PCM1: variants seen among roughly 807,000 people sequenced by gnomAD.
PCM1 encodes the protein pericentriolar material 1 protein.
In PCM1, 157 loss-of-function variants were observed where a neutral mutation model predicts 241.9. That is an observed-to-expected ratio of 0.65 (90% CI 0.57 to 0.74). PCM1 has a LOEUF of 0.74. PCM1 is among the 30% of genes least tolerant of loss of function. The pLI, the probability that PCM1 is intolerant of heterozygous loss-of-function variation, is 0.00. For missense variants in PCM1, 3,478 were observed against 2,360.1 expected, an observed-to-expected ratio of 1.47 and a Z score of -9.81; for synonymous variants, 1,085 against 784.9, an observed-to-expected ratio of 1.38 and a Z score of -6.39.
Position 17,991,656 on chromosome 8 carries a change from A to C in PCM1, c.4646A>C (p.Asp1549Ala), listed in dbSNP as rs773288337. The change falls in exon 28 of 39, where the codon GAT (aspartate) becomes GCT (alanine). Residue 1549 changes from aspartate to alanine, a missense_variant. Asp to Ala is a moderately radical substitution (Grantham distance 126, BLOSUM62 -2). Transcript: ENST00000325083. ...AGATGCACCTGCAGGATTATTGAGGATGGAGATGGTGCTGGTGCAGGTACT... is the reference window on the plus strand; with the variant it reads ...AGATGCACCTGCAGGATTATTGAGGCTGGAGATGGTGCTGGTGCAGGTACT... ...NMRCTCRIIE[D>A]GDGAGAGTTV... 29 of 1,564,290 alleles carry C rather than the reference A, an allele frequency of 1.9e-5. No individual in the cohort carries two copies. The highest frequency in any genetic ancestry group is 5.8e-5 in the Admixed American group (3 of 52,100).
chr8:17,967,393 C>A (rs1187055853), intron 21 of PCM1, among the ~76,000 whole-genome samples: 1 of 151,864 alleles, frequency 6.6e-6, no homozygotes, highest in East Asian at 1.9e-4. Flanking sequence ...ACGGCAGCCT[C>A]CACCTCCCAG....
intron 36 of PCM1, among the ~76,000 whole-genome samples, chr8:18,019,984 G>A (rs1408269250): frequency 6.6e-6 from 1 of 152,198 alleles, no homozygotes; most frequent in Non-Finnish European, 1.5e-5. Flanking sequence ...GGATACTGCA[G>A]ATCTTGAGTC....
chr8:18,025,898 C>T (rs958884462), intron 38 of PCM1, among the ~76,000 whole-genome samples: 19 of 152,108 alleles, frequency 1.2e-4, no homozygotes, highest in Admixed American at 1.2e-3. Flanking sequence ...GGCGCGGTGG[C>T]TCACGCCTGT....
intron 35 of PCM1, 29 bp downstream of exon 35, chr8:18,014,065 T>A: frequency 8.0e-7 from 1 of 1,253,468 alleles, no homozygotes; most frequent in Non-Finnish European, 1.1e-6. Context: ...TCTTTGATTT[T>A]AAGATAATTT....
At chr8:17,948,294 C>CTTTTTTTTT (rs550672840) in intron 7 of PCM1, among the ~76,000 whole-genome samples, 1 of 63,950 alleles carries the variant, frequency 1.6e-5, no homozygotes, top group African/African-American at 6.3e-5. Context: ...CAAATAACCT[C>CTTTTTTTTT]TTTTTTTTTT....
intron 1 of PCM1, among the ~76,000 whole-genome samples, chr8:17,924,352 A>G (rs549065679): frequency 5.7e-4 from 87 of 152,322 alleles, no homozygotes; most frequent in Non-Finnish European, 1.1e-3. Context: ...AAATCATCGG[A>G]TATACGAGGT....
chr8:17,961,637 G>A (rs2072202736), intron 15 of PCM1, among the ~76,000 whole-genome samples: 1 of 152,086 alleles, frequency 6.6e-6, no homozygotes, highest in Non-Finnish European at 1.5e-5. Context: ...CTTCAGTTAG[G>A]TTGTGTTTTC....
At chr8:17,991,219 C>A (rs934624917) in intron 27 of PCM1, among the ~76,000 whole-genome samples, 1 of 151,994 alleles carries the variant, frequency 6.6e-6, no homozygotes, top group Non-Finnish European at 1.5e-5. Flanking sequence ...TTAAATGAAA[C>A]AACAAAATGA....
chr8:17,935,892 C>A (rs150923460), intron 3 of PCM1, among the ~76,000 whole-genome samples, 186 bp downstream of exon 3: 2 of 152,242 alleles, frequency 1.3e-5, no homozygotes, highest in African/African-American at 4.8e-5. Context: ...AGCCCCAAAG[C>A]AGATTTACTG....
chr8:18,014,111 A>AG (rs149815514), intron 35 of PCM1, 75 bp downstream of exon 35: 48,649 of 765,224 alleles, frequency 0.064, 977 homozygotes, highest in East Asian at 0.2. Flanking sequence ...AAAAAAAAAA[A>AG]CACACACAGA....
At chr8:17,990,484 G>T (rs1424719269) in intron 27 of PCM1, among the ~76,000 whole-genome samples, 2 of 149,652 alleles carry the variant, frequency 1.3e-5, no homozygotes, top group African/African-American at 4.9e-5. Flanking sequence ...TGTTTGTTTG[G>T]GTTTTTTTTT....
At chr8:18,026,410 A>C (rs1488700955) in intron 38 of PCM1, among the ~76,000 whole-genome samples, 1 of 150,346 alleles carries the variant, frequency 6.7e-6, no homozygotes, top group Non-Finnish European at 1.5e-5. Context: ...GGCGCCCGCC[A>C]CCACGCCTGG....
chr8:17,925,354 A>G (rs2056513952), intron 2 of PCM1: 1 of 152,242 alleles, frequency 6.6e-6, no homozygotes, highest in Non-Finnish European at 1.5e-5. Flanking sequence ...TCAGTGTTGT[A>G]GAATGTAAGT....
chr8:18,021,635 CGGTGGCACTACCATT>C (rs2093762762), intron 36 of PCM1, among the ~76,000 whole-genome samples: 1 of 152,184 alleles, frequency 6.6e-6, no homozygotes, highest in Admixed American at 6.5e-5. Context: ...TTTTCAAACT[CGGTGGCACTACCATT>C]GGCCTTGTCA....
intron 2 of PCM1, among the ~76,000 whole-genome samples, chr8:17,934,349 C>T (rs1395186130): frequency 6.6e-6 from 1 of 151,580 alleles, no homozygotes; most frequent in Non-Finnish European, 1.5e-5. Context: ...GCAACCTTGG[C>T]TTCCTCTGTT....
In PCM1 at chr8:18,027,679, C is replaced by T. The variant is rs201120280; in HGVS notation, c.*17C>T. 1.0e-5 allele frequency: 16 copies of T among 1,570,278 alleles called. No individual in the cohort carries two copies. Among genetic ancestry groups the T allele is most frequent in the Admixed American group, 5.0e-5 (3 of 59,570 alleles). ...AGTATATGAGATGTCTTCAGAGGCT[C>T]ATCTAACTCTGTCCTTACATACTCA... is the stretch of plus-strand genomic sequence containing the variant. On this transcript the variant is annotated 3_prime_UTR_variant, in exon 39 of 39. Transcript: ENST00000325083.
At chr8:18,017,260 A>G (rs1251652229) in intron 36 of PCM1, among the ~76,000 whole-genome samples, 1 of 152,222 alleles carries the variant, frequency 6.6e-6, no homozygotes, top group Non-Finnish European at 1.5e-5. Context: ...TTTGTTAAAC[A>G]TTCTGGTCTT....
rs770218034 is a variant in PCM1, at chr8:17,955,567, A to G, written c.1386A>G (p.Thr462=). Residue 462 remains threonine (T), a synonymous_variant, in exon 10 of 39, where the codon ACA becomes ACG. Transcript: ENST00000325083. ...TCAATGGAGAATCCAATAGCCTCAC[A>G]TCATCTGTTCCTTATCCTACTGCTT... is the stretch of plus-strand genomic sequence containing the variant. ...PVVNGESNSL[T]SSVPYPTASL... is the part of the protein sequence containing the mutation. 2 of 1,613,772 alleles carry G rather than the reference A, an allele frequency of 1.2e-6. No homozygotes were observed. Among genetic ancestry groups the G allele is most frequent in the East Asian group, 2.2e-5 (1 of 44,872 alleles).
intron 29 of PCM1, among the ~76,000 whole-genome samples, chr8:18,005,628 A>C (rs2091070958): frequency 6.6e-6 from 1 of 152,140 alleles, no homozygotes; most frequent in South Asian, 2.1e-4. Context: ...TAGCTCACAC[A>C]TGCTTCTCAA....
Sources: allele counts gnomAD v4.1 joint callset (sites outside exome capture counted in the v4.1 genomes callset), GRCh38; gene constraint gnomAD v4.1.1; transcripts MANE v1.5; gene names NCBI Gene and HGNC (gene_info 2026-07-23, HGNC 2026-07-21).